MACROD2: variants seen among roughly 807,000 people sequenced by gnomAD.
MACROD2 encodes ADP-ribose glycohydrolase MACROD2.
Under a neutral mutation model 70.4 loss-of-function variants are expected in MACROD2, and 36 were observed. That is an observed-to-expected ratio of 0.51 (90% confidence interval 0.39 to 0.68). The LOEUF (loss-of-function observed/expected upper bound fraction) is 0.68, where lower values mean the gene tolerates loss of function less well. MACROD2 is among the 30% of genes least tolerant of loss of function. MACROD2 has a pLI of 0.00. For synonymous variants in MACROD2, 172 were observed against 178.8 expected (o/e 0.96, Z 0.30); for missense variants, 496 against 538.4 (o/e 0.92, Z 0.78).
At chr20:14,855,151 T>A (rs1013676264) in intron 5 of MACROD2, among the ~76,000 whole-genome samples, 2 of 152,214 alleles carry the variant, frequency 1.3e-5, no homozygotes, top group Non-Finnish European at 2.9e-5. Context: ...TAACTCTCGA[T>A]TGATAATAAC....
chr20:14,861,612 T>A (rs986622221), intron 5 of MACROD2, among the ~76,000 whole-genome samples: 2 of 151,624 alleles, frequency 1.3e-5, no homozygotes, highest in Admixed American at 6.6e-5. Flanking sequence ...GTGGGGAAAA[T>A]GGGTGAATAA....
intron 6 of MACROD2, among the ~76,000 whole-genome samples, chr20:15,346,309 A>C (rs773651645): frequency 6.6e-6 from 1 of 152,180 alleles, no homozygotes; most frequent in Non-Finnish European, 1.5e-5. Context: ...AAGACTGTTA[A>C]GAAGGAGGCA....
rs140208555 is a variant in MACROD2 at position 15,856,855 on chromosome 20, C to G, written c.646-5890C>G. Among the ~76,000 whole-genome samples the G allele has an allele frequency of 6.6e-5, 10 of 152,246 alleles. No individual in the cohort carries two copies. The East Asian group carries it at 1.9e-3, about 29-fold the overall frequency. On this transcript the variant is annotated intron_variant, in intron 8 of 17. Coordinates refer to ENST00000684519, the MANE Select transcript of MACROD2 (RefSeq NM_001351661.2). ...TAAATATACAAAGTTGCTTTAATTA[C>G]AAGCGGGGATGGAAACTTTAGGAAG... is the stretch of plus-strand genomic sequence containing the variant.
chr20:15,696,580 C>T lies in MACROD2; in HGVS notation c.646-166165C>T, dbSNP rs1202344405. On this transcript the variant is annotated intron_variant, in intron 8 of 17. Transcript: ENST00000684519. ...TCATAGAATGAATTAGGGAGGATTC[C>T]TTCTTTCTCTATCTTGTGGAATTGT... 2.6e-5 allele frequency among the ~76,000 whole-genome samples: 4 copies of T among 151,112 alleles called. No homozygotes were observed. The South Asian group carries it at 8.4e-4, about 32-fold the overall frequency.
At chr20:16,033,424 T>C (rs1324727528) in intron 15 of MACROD2, among the ~76,000 whole-genome samples, 1 of 152,074 alleles carries the variant, frequency 6.6e-6, no homozygotes. Flanking sequence ...TGCAGCACAA[T>C]ATGCTGGCTG....
At chr20:14,783,747 A>G (rs2123789405) in intron 5 of MACROD2, among the ~76,000 whole-genome samples, 1 of 152,220 alleles carries the variant, frequency 6.6e-6, no homozygotes, top group Admixed American at 6.5e-5. Flanking sequence ...CCATCAATAA[A>G]TGTATATTAT....
intron 8 of MACROD2, among the ~76,000 whole-genome samples, chr20:15,665,432 A>G (rs1472824402): frequency 6.6e-6 from 1 of 152,160 alleles, no homozygotes. Flanking sequence ...TATCCACACA[A>G]AATTGTCTTT....
intron 2 of MACROD2, among the ~76,000 whole-genome samples, chr20:14,032,999 T>A (rs1179267805): frequency 6.6e-6 from 1 of 152,068 alleles, no homozygotes; most frequent in African/African-American, 2.4e-5. Context: ...TTTAAAAAAC[T>A]GTCTTTTTAC....
Position 14,435,915 on chromosome 20 carries a change from G to T in MACROD2, c.272-57564G>T, listed in dbSNP as rs548936099. On this transcript the variant is annotated intron_variant, in intron 3 of 17. Coordinates refer to ENST00000684519, the MANE Select transcript of MACROD2 (RefSeq NM_001351661.2). ...AGAAACGGGGTTTCCCCATGTTGGTGAGGCTGGTCTTGAACTCCTGGTCTC... is the reference window on the plus strand; with the variant it reads ...AGAAACGGGGTTTCCCCATGTTGGTTAGGCTGGTCTTGAACTCCTGGTCTC... Among the ~76,000 whole-genome samples, 157 of 152,146 alleles carry T rather than the reference G, an allele frequency of 1.0e-3. 1 individual carries two copies. The highest frequency in any genetic ancestry group is 8.9e-3 in the South Asian group (43 of 4,816).
At chr20:15,519,502 G>A (rs1227035015) in intron 8 of MACROD2, among the ~76,000 whole-genome samples, 1 of 152,164 alleles carries the variant, frequency 6.6e-6, no homozygotes, top group Non-Finnish European at 1.5e-5. Context: ...TTTAATGAGT[G>A]TGAGAATTTC....
At chr20:15,101,212 T>G (rs183451673) in intron 5 of MACROD2, among the ~76,000 whole-genome samples, 105 of 152,234 alleles carry the variant, frequency 6.9e-4, no homozygotes, top group African/African-American at 2.1e-3. Flanking sequence ...ATATATCCAA[T>G]TTTTTGTGCT....
chr20:14,757,040 T>G (rs1226571106), intron 5 of MACROD2, among the ~76,000 whole-genome samples: 1 of 152,128 alleles, frequency 6.6e-6, no homozygotes, highest in Non-Finnish European at 1.5e-5. Context: ...CTTCTTTCCA[T>G]TATAAATTAC....
chr20:15,775,794 A>G (rs1196695231), intron 8 of MACROD2, among the ~76,000 whole-genome samples: 2 of 152,180 alleles, frequency 1.3e-5, no homozygotes, highest in Non-Finnish European at 2.9e-5. Flanking sequence ...ACAGACTGCC[A>G]TATTTCTTGA....
intron 5 of MACROD2, among the ~76,000 whole-genome samples, chr20:15,102,302 C>T (rs914287505): frequency 3.3e-5 from 5 of 151,866 alleles, no homozygotes; most frequent in African/African-American, 1.2e-4. Context: ...TGAAATATTG[C>T]CAAGCATGTG....
intron 15 of MACROD2, among the ~76,000 whole-genome samples, chr20:16,009,099 T>A (rs1422578844): frequency 6.6e-6 from 1 of 152,026 alleles, no homozygotes; most frequent in Non-Finnish European, 1.5e-5. Context: ...GCTGGCTCTG[T>A]CCCCATGAAG....
intron 6 of MACROD2, among the ~76,000 whole-genome samples, chr20:15,314,408 T>C (rs2077786961): frequency 6.6e-6 from 1 of 152,186 alleles, no homozygotes; most frequent in Non-Finnish European, 1.5e-5. Flanking sequence ...CTGGGCAACA[T>C]GGCAAGACAC....
chr20:14,032,051 A>G (rs188678797), intron 2 of MACROD2, among the ~76,000 whole-genome samples: 3 of 152,072 alleles, frequency 2.0e-5, no homozygotes, highest in African/African-American at 7.2e-5. Context: ...ATGTACTCAT[A>G]TATAGTATTT....
intron 5 of MACROD2, among the ~76,000 whole-genome samples, chr20:15,122,915 T>A (rs1453169028): frequency 2.0e-5 from 3 of 152,124 alleles, no homozygotes; most frequent in Non-Finnish European, 4.4e-5. Flanking sequence ...CCAGCCAAAT[T>A]ATGACCCACC....
At chr20:14,964,512 G>T (rs1378047139) in intron 5 of MACROD2, among the ~76,000 whole-genome samples, 4 of 151,884 alleles carry the variant, frequency 2.6e-5, no homozygotes, top group African/African-American at 9.7e-5. Flanking sequence ...GGTGGAGCTT[G>T]CAGTGAGCCG....
Sources: gnomAD v4.1 joint callset for allele counts (sites outside exome capture counted in the v4.1 genomes callset) on GRCh38, gnomAD v4.1.1 for gene constraint, MANE v1.5 for transcripts, NCBI Gene and HGNC (gene_info 2026-07-23, HGNC 2026-07-21) for gene names.